Variants in NARS2 observed in about 807,000 individuals in gnomAD.
NARS2 encodes the protein asparaginyl-tRNA synthetase.
In NARS2, 60 loss-of-function variants were observed where a neutral mutation model predicts 62.9. The observed-to-expected ratio is 0.95, with a 90% CI of 0.77 to 1.18. The LOEUF (loss-of-function observed/expected upper bound fraction) is 1.18. NARS2 is among the 50% of genes most tolerant of loss of function. NARS2 has a pLI of 0.00. For missense variants in NARS2, 619 were observed against 576.4 expected (o/e 1.07, Z -0.76); for synonymous variants, 196 against 200.0 (o/e 0.98, Z 0.17).
intron 6 of NARS2, among the ~76,000 whole-genome samples, chr11:78,502,904 G>C (rs973451899): frequency 2.3e-4 from 33 of 142,484 alleles, no homozygotes; most frequent in Middle Eastern, 8.1e-3. Flanking sequence ...TGAGGCACAA[G>C]AATTGCTTGA....
intron 7 of NARS2, among the ~76,000 whole-genome samples, chr11:78,482,838 C>T (rs1284304346): frequency 1.3e-5 from 2 of 152,146 alleles, no homozygotes; most frequent in African/African-American, 2.4e-5. Flanking sequence ...ACCATTCCTT[C>T]TAAAATTATT....
chr11:78,516,367 G>A (rs1429278109), intron 6 of NARS2, among the ~76,000 whole-genome samples: 1 of 152,156 alleles, frequency 6.6e-6, no homozygotes, highest in African/African-American at 2.4e-5. Flanking sequence ...AACAGCCAAT[G>A]GTCATTAAAC....
At chr11:78,478,095 AGTT>A (rs958404730) in intron 9 of NARS2, among the ~76,000 whole-genome samples, 1 of 152,158 alleles carries the variant, frequency 6.6e-6, no homozygotes, top group Non-Finnish European at 1.5e-5. Context: ...TGGTTTTTAC[AGTT>A]TTTTAAATCA....
At chr11:78,518,377 C>T (rs1278059719) in intron 6 of NARS2, among the ~76,000 whole-genome samples, 3 of 152,124 alleles carry the variant, frequency 2.0e-5, no homozygotes, top group Non-Finnish European at 2.9e-5. Context: ...AGAATTTATG[C>T]TTTACAAATT....
At chr11:78,553,920 G>A (rs1856228094) in intron 5 of NARS2, among the ~76,000 whole-genome samples, 1 of 152,182 alleles carries the variant, frequency 6.6e-6, no homozygotes, top group Admixed American at 6.5e-5. Flanking sequence ...TTTTGTACAT[G>A]ATGTAAGGAA....
chr11:78,436,339 T>C lies in NARS2; in HGVS notation c.*331A>G, dbSNP rs568169874. On this transcript the variant is annotated 3_prime_UTR_variant, in exon 14 of 14. Coordinates refer to ENST00000281038, the MANE Select transcript of NARS2 (RefSeq NM_024678.6). ...TACACAGGGAGTGATTTAATGATTA[T>C]AGACAACGTAAAATACATTATCTCA... is the stretch of plus-strand genomic sequence containing the variant. 13 of 201,180 alleles carry C rather than the reference T, an allele frequency of 6.5e-5. No homozygotes were observed. The highest frequency in any genetic ancestry group is 2.1e-4 in the South Asian group (2 of 9,706). 12.5% of individuals were successfully genotyped at this position (201,180 alleles called of 1,614,324 possible).
chr11:78,457,364 C>T (rs1302825283), intron 11 of NARS2, among the ~76,000 whole-genome samples: 1 of 152,084 alleles, frequency 6.6e-6, no homozygotes, highest in African/African-American at 2.4e-5. Flanking sequence ...GCACTGCATC[C>T]ATTACAGGAA....
intron 7 of NARS2, among the ~76,000 whole-genome samples, chr11:78,486,761 A>G (rs1434685086): frequency 2.0e-5 from 3 of 152,198 alleles, no homozygotes; most frequent in Non-Finnish European, 4.4e-5. Context: ...TTCTCATGAG[A>G]AAAAATAACC....
At chr11:78,535,590 T>A (rs7107355) in intron 5 of NARS2, among the ~76,000 whole-genome samples, 2,364 of 152,268 alleles carry the variant, frequency 0.016, 54 homozygotes, top group African/African-American at 0.054. Context: ...TGTTTGCTTT[T>A]AAGATACAGC....
intron 6 of NARS2, among the ~76,000 whole-genome samples, chr11:78,527,981 A>T (rs1861350486): frequency 1.3e-5 from 2 of 152,310 alleles, no homozygotes; most frequent in African/African-American, 2.4e-5. Context: ...GTGCTGGCAC[A>T]TGCCTTGAGT....
chr11:78,534,249 G>C (rs1861584944), intron 5 of NARS2, among the ~76,000 whole-genome samples: 1 of 152,172 alleles, frequency 6.6e-6, no homozygotes, highest in African/African-American at 2.4e-5. Context: ...CTGCAAAGTG[G>C]CTGTTAAATC....
At chr11:78,470,887 T>TA (rs1419463537) in intron 9 of NARS2, among the ~76,000 whole-genome samples, 2 of 150,772 alleles carry the variant, frequency 1.3e-5, no homozygotes, top group Non-Finnish European at 3.0e-5. Context: ...TTTGGATTTT[T>TA]TTTTTTTTTT....
rs148779974 is a variant in NARS2, at chr11:78,501,010, T to A, written c.690-7815A>T. On this transcript the variant is annotated intron_variant, in intron 6 of 13. Coordinates refer to ENST00000281038, the MANE Select transcript of NARS2 (RefSeq NM_024678.6). ...GGGAGGCTGAAGCAGGAGGATTGAT[T>A]GAGCCTGGGAGGTTGAGGCTGCAGT... Among the ~76,000 whole-genome samples, 9 of 152,256 alleles carry A rather than the reference T, an allele frequency of 5.9e-5. No individual in the cohort carries two copies. The East Asian group carries it at 1.5e-3, about 26-fold the overall frequency.
intron 5 of NARS2, among the ~76,000 whole-genome samples, chr11:78,558,091 A>C (rs1015027929): frequency 6.6e-6 from 1 of 152,226 alleles, no homozygotes; most frequent in African/African-American, 2.4e-5. Context: ...TCTTGGCTTC[A>C]CTATGCAGAA....
intron 5 of NARS2, among the ~76,000 whole-genome samples, chr11:78,535,836 C>CA (rs1855315765): frequency 6.6e-6 from 1 of 152,080 alleles, no homozygotes; most frequent in Non-Finnish European, 1.5e-5. Context: ...AGGCTGGTCT[C>CA]AAACTCCTGA....
At chr11:78,443,359 G>T (rs968207098) in intron 12 of NARS2, among the ~76,000 whole-genome samples, 13 of 151,406 alleles carry the variant, frequency 8.6e-5, no homozygotes, top group African/African-American at 2.9e-4. Flanking sequence ...AAAAAATGTA[G>T]GACAAGCTTT....
chr11:78,536,116 C>G (rs1410850994), intron 5 of NARS2, among the ~76,000 whole-genome samples: 1 of 152,110 alleles, frequency 6.6e-6, no homozygotes. Flanking sequence ...TATAATAGAG[C>G]TGAAAAATTC....
At chr11:78,480,383 C>T (rs1254688510) in intron 7 of NARS2, among the ~76,000 whole-genome samples, 1 of 151,982 alleles carries the variant, frequency 6.6e-6, no homozygotes, top group Non-Finnish European at 1.5e-5. Flanking sequence ...GCCTCCTTAG[C>T]AGCTGTGATT....
At chr11:78,544,663 G>A (rs1590841962) in intron 5 of NARS2, among the ~76,000 whole-genome samples, 1 of 152,048 alleles carries the variant, frequency 6.6e-6, no homozygotes, top group Admixed American at 6.5e-5. Context: ...GCGCGGTGGT[G>A]GGTGCCTGTA....
Sources: gnomAD v4.1 joint callset for allele counts (sites outside exome capture counted in the v4.1 genomes callset) on GRCh38, gnomAD v4.1.1 for gene constraint, MANE v1.5 for transcripts, NCBI Gene and HGNC (gene_info 2026-07-23, HGNC 2026-07-21) for gene names.